Variants in CEP112 observed in about 807,000 individuals in gnomAD.
CEP112 encodes the protein centrosomal protein of 112 kDa.
Under a neutral mutation model 153.0 loss-of-function variants are expected in CEP112, and 127 were observed. The observed-to-expected ratio is 0.83, with a 90% CI of 0.72 to 0.96. The LOEUF (loss-of-function observed/expected upper bound fraction) is 0.96. Ranked by LOEUF, CEP112 falls within the 40% of genes least tolerant of loss-of-function variation. The pLI, the probability that CEP112 is intolerant of heterozygous loss-of-function variation, is 0.00. For synonymous variants in CEP112, 358 were observed against 374.4 expected, an observed-to-expected ratio of 0.96 and a Z score of 0.51; for missense variants, 1,089 against 1,101.2, an observed-to-expected ratio of 0.99 and a Z score of 0.16.
chr17:66,052,922 C>A (rs2066502084), intron 12 of CEP112, among the ~76,000 whole-genome samples: 1 of 151,980 alleles, frequency 6.6e-6, no homozygotes, highest in Non-Finnish European at 1.5e-5. Flanking sequence ...GCCTGGCCAA[C>A]ATGGCGGAAC....
At chr17:65,759,159 G>C (rs940289521) in intron 21 of CEP112, among the ~76,000 whole-genome samples, 1 of 152,156 alleles carries the variant, frequency 6.6e-6, no homozygotes, top group Non-Finnish European at 1.5e-5. Context: ...GGCAATGCCA[G>C]GAAGTTACCC....
intron 23 of CEP112, among the ~76,000 whole-genome samples, chr17:65,715,566 T>C (rs2144772338): frequency 6.6e-6 from 1 of 152,070 alleles, no homozygotes; most frequent in South Asian, 2.1e-4. Flanking sequence ...TTCTCCTGCC[T>C]CAGTCTCCCG....
chr17:66,105,325 G>A (rs2068738169), intron 6 of CEP112, among the ~76,000 whole-genome samples: 1 of 152,072 alleles, frequency 6.6e-6, no homozygotes, highest in Admixed American at 6.6e-5. Flanking sequence ...CATACCACGT[G>A]AGTAAATGGC....
intron 20 of CEP112, chr17:65,872,997 C>T (rs2024272): frequency 0.7 from 106,868 of 151,912 alleles, 38,226 homozygotes; most frequent in East Asian, 0.82. Flanking sequence ...AGATGAGGTA[C>T]ATAATTTACG....
rs183764566 is a variant in CEP112, at chr17:65,790,442, C to G, written c.2395-39718G>C. ...CTCAGGGGTCAGTTCAGTCGAGGCC[C>G]AGCAGGTGCTGAATGTGCAAGCTGC... On this transcript the variant is annotated intron_variant, in intron 21 of 26. Coordinates refer to ENST00000535342, the MANE Select transcript of CEP112 (RefSeq NM_001199165.4). 4.0e-4 allele frequency among the ~76,000 whole-genome samples: 61 copies of G among 152,226 alleles called. 1 individual carries two copies. The East Asian group carries it at 0.01, about 26-fold the overall frequency.
chr17:65,957,798 A>C (rs1282417840), intron 18 of CEP112, among the ~76,000 whole-genome samples: 1 of 152,152 alleles, frequency 6.6e-6, no homozygotes, highest in Admixed American at 6.5e-5. Context: ...ATGAGAATGT[A>C]CAACTTGTTA....
intron 6 of CEP112, 117 bp from the exon 7 acceptor site, chr17:66,096,749 T>G (rs932217200): frequency 1.4e-6 from 1 of 698,822 alleles, no homozygotes; most frequent in Non-Finnish European, 2.4e-6. Context: ...TCTTAATATT[T>G]AATTCATTTT....
intron 11 of CEP112, among the ~76,000 whole-genome samples, chr17:66,058,677 C>T (rs1424910226): frequency 6.6e-6 from 1 of 151,744 alleles, no homozygotes; most frequent in Non-Finnish European, 1.5e-5. Context: ...TAGTGAGACC[C>T]CACCTCTACA....
At chr17:65,676,409 A>G (rs530454228) in intron 24 of CEP112, among the ~76,000 whole-genome samples, 1 of 152,164 alleles carries the variant, frequency 6.6e-6, no homozygotes, top group Non-Finnish European at 1.5e-5. Context: ...ACCACCCAGA[A>G]GATGTTAAAG....
intron 16 of CEP112, among the ~76,000 whole-genome samples, chr17:66,006,256 C>T (rs1034167084): frequency 3.9e-5 from 6 of 152,082 alleles, no homozygotes; most frequent in African/African-American, 1.4e-4. Context: ...TACCTCTTTC[C>T]TAAATGTGGA....
intron 19 of CEP112, among the ~76,000 whole-genome samples, chr17:65,906,586 A>G (rs1403626576): frequency 1.3e-5 from 2 of 152,168 alleles, no homozygotes; most frequent in African/African-American, 2.4e-5. Flanking sequence ...GATGTGTTAT[A>G]GTGAATTTAT....
chr17:66,077,026 T>C (rs2067528824), intron 8 of CEP112, among the ~76,000 whole-genome samples: 1 of 152,144 alleles, frequency 6.6e-6, no homozygotes. Flanking sequence ...ATCAAGGGAA[T>C]ACCCCGTGGG....
Position 65,743,100 on chromosome 17 carries a change from GC to G in CEP112, c.2574del (p.Lys858AsnfsTer3). 1 of 1,611,844 alleles carries G rather than the reference GC, an allele frequency of 6.2e-7. No individual in the cohort carries two copies. Among genetic ancestry groups the G allele is most frequent in the Non-Finnish European group, 8.5e-7 (1 of 1,179,268 alleles). On this transcript the variant is annotated frameshift_variant, in exon 23 of 27. Coordinates refer to ENST00000535342, the MANE Select transcript of CEP112 (RefSeq NM_001199165.4). LOFTEE classifies it high-confidence loss of function. The stretch of plus-strand genomic sequence containing the variant: ...GCTTGGTCATTATCTCTAATCAGCT[GC>G]TTCTTCTCATCTTCAAACTTTTGTC... The part of the protein sequence containing the change: ...DVRQKFEDEK[K>X]QLIRDNDQAI...
intron 21 of CEP112, among the ~76,000 whole-genome samples, chr17:65,844,220 C>A (rs868702978): frequency 3.1e-4 from 47 of 152,256 alleles, no homozygotes; most frequent in Middle Eastern, 6.8e-3. Context: ...AATAAATCTA[C>A]AGACTAAGTA....
At chr17:65,984,441 C>T (rs2063333051) in intron 17 of CEP112, among the ~76,000 whole-genome samples, 1 of 152,158 alleles carries the variant, frequency 6.6e-6, no homozygotes, top group Non-Finnish European at 1.5e-5. Context: ...AAACGTTGCA[C>T]AGGCCAAACT....
chr17:65,660,496 TTCCTTCC>T (rs1391660503), intron 24 of CEP112, among the ~76,000 whole-genome samples: 2 of 134,474 alleles, frequency 1.5e-5, no homozygotes, highest in Non-Finnish European at 3.1e-5. Flanking sequence ...CCTTCCTTCC[TTCCTTCC>T]TTCCTTCCTT....
chr17:65,773,322 T>C (rs952955087), intron 21 of CEP112, among the ~76,000 whole-genome samples: 2 of 152,228 alleles, frequency 1.3e-5, no homozygotes, highest in Admixed American at 6.5e-5. Context: ...AGCTCCTTGG[T>C]GACTACCCAG....
intron 18 of CEP112, among the ~76,000 whole-genome samples, chr17:65,932,953 A>G (rs1448271994): frequency 6.6e-6 from 1 of 152,238 alleles, no homozygotes; most frequent in Non-Finnish European, 1.5e-5. Context: ...CTTGGAAAAC[A>G]ATATGCAGAC....
At chr17:66,099,797 T>C (rs1379779653) in intron 6 of CEP112, among the ~76,000 whole-genome samples, 1 of 152,264 alleles carries the variant, frequency 6.6e-6, no homozygotes. Flanking sequence ...AACACTTTTT[T>C]AAAAAGCTAA....
Sources: gnomAD v4.1 joint callset for allele counts (sites outside exome capture counted in the v4.1 genomes callset) on GRCh38, gnomAD v4.1.1 for gene constraint, MANE v1.5 for transcripts, NCBI Gene and HGNC (gene_info 2026-07-23, HGNC 2026-07-21) for gene names.